ADAMTSL1: variants seen among roughly 807,000 people sequenced by gnomAD.
The protein encoded by ADAMTSL1 is ADAMTS like 1.
In ADAMTSL1, 126 loss-of-function variants were observed where a neutral mutation model predicts 201.8. The observed-to-expected ratio is 0.62, with a 90% confidence interval of 0.54 to 0.72. The LOEUF (loss-of-function observed/expected upper bound fraction) is 0.72, where lower values mean the gene tolerates loss of function less well. Ranked by LOEUF, ADAMTSL1 falls within the 30% of genes least tolerant of loss-of-function variation. The pLI is 0.00. For synonymous variants in ADAMTSL1, 1,121 were observed against 903.4 expected (o/e 1.24, Z -4.32); for missense variants, 2,679 against 2,277.8 (o/e 1.18, Z -3.59).
At chr9:18,445,654 A>G (rs528950319) in intron 2 of ADAMTSL1, among the ~76,000 whole-genome samples, 14 of 152,304 alleles carry the variant, frequency 9.2e-5, no homozygotes, top group Non-Finnish European at 1.6e-4. Flanking sequence ...AGACTCATAT[A>G]CAAAATGCTG....
At chr9:18,843,554 T>C (rs1825874265) in intron 23 of ADAMTSL1, among the ~76,000 whole-genome samples, 1 of 150,572 alleles carries the variant, frequency 6.6e-6, no homozygotes, top group African/African-American at 2.5e-5. Context: ...TGGTGTTCTC[T>C]GTATTTCCTG....
chr9:18,648,598 C>G (rs888330726), intron 7 of ADAMTSL1, among the ~76,000 whole-genome samples: 1 of 151,424 alleles, frequency 6.6e-6, no homozygotes, highest in African/African-American at 2.4e-5. Flanking sequence ...GACAAAATCT[C>G]TCAGCATTTG....
chr9:18,283,265 C>G (rs1254041350), intron 2 of ADAMTSL1, among the ~76,000 whole-genome samples: 1 of 152,092 alleles, frequency 6.6e-6, no homozygotes, highest in Non-Finnish European at 1.5e-5. Flanking sequence ...TCTCTCCAGT[C>G]TTATGCTCAT....
At chr9:18,071,720 C>G (rs1003568105) in intron 1 of ADAMTSL1, among the ~76,000 whole-genome samples, 2 of 152,104 alleles carry the variant, frequency 1.3e-5, no homozygotes, top group Admixed American at 6.6e-5. Context: ...GACGTTTCCT[C>G]GAAAGTAGGA....
chr9:18,812,728 G>C (rs754769444), intron 20 of ADAMTSL1, among the ~76,000 whole-genome samples: 8 of 152,044 alleles, frequency 5.3e-5, no homozygotes, highest in Admixed American at 4.6e-4. Context: ...GTAAGAACTA[G>C]GGGTCTAGCT....
chr9:18,339,298 T>A (rs543775458), intron 2 of ADAMTSL1, among the ~76,000 whole-genome samples: 2 of 152,090 alleles, frequency 1.3e-5, no homozygotes, highest in Non-Finnish European at 2.9e-5. Context: ...GCAAAGGACA[T>A]GAACAGACAC....
In ADAMTSL1 at chr9:18,652,931, T is replaced by C. The variant is rs566740215; in HGVS notation, c.835-4708T>C. Among the ~76,000 whole-genome samples the C allele has an allele frequency of 9.8e-5, 15 of 152,324 alleles. 1 individual carries two copies. The South Asian group carries it at 1.2e-3, about 13-fold the overall frequency. Reference sequence around the variant, plus strand: ...CCCATGCTTATAAAAGGGAAAACCATTGTCCTAAGCCATGTGTTCTTGAGA... The same window carrying C: ...CCCATGCTTATAAAAGGGAAAACCACTGTCCTAAGCCATGTGTTCTTGAGA... On this transcript the variant is annotated intron_variant, in intron 7 of 28. Transcript: ENST00000380548.
intron 10 of ADAMTSL1, among the ~76,000 whole-genome samples, chr9:18,677,291 T>C (rs911009579): frequency 6.6e-6 from 1 of 152,050 alleles, no homozygotes; most frequent in African/African-American, 2.4e-5. Flanking sequence ...AGACAATAAA[T>C]AGCTTTAGAA....
At chr9:18,294,443 G>C (rs1833392901) in intron 2 of ADAMTSL1, among the ~76,000 whole-genome samples, 1 of 152,240 alleles carries the variant, frequency 6.6e-6, no homozygotes, top group Non-Finnish European at 1.5e-5. Flanking sequence ...CCCAGGTTCT[G>C]TGGCTGGGCT....
chr9:18,329,485 C>G (rs1834948543), intron 2 of ADAMTSL1, among the ~76,000 whole-genome samples: 1 of 152,096 alleles, frequency 6.6e-6, no homozygotes, highest in Non-Finnish European at 1.5e-5. Flanking sequence ...AAAACGTGTC[C>G]ACTACAAGAA....
At chr9:18,587,672 T>C (rs1328344432) in intron 4 of ADAMTSL1, among the ~76,000 whole-genome samples, 2 of 152,178 alleles carry the variant, frequency 1.3e-5, no homozygotes, top group African/African-American at 2.4e-5. Flanking sequence ...GTAAATACCA[T>C]ACTGCTTTCT....
intron 2 of ADAMTSL1, among the ~76,000 whole-genome samples, chr9:18,309,159 A>G (rs866176368): frequency 6.6e-6 from 1 of 152,204 alleles, no homozygotes; most frequent in Non-Finnish European, 1.5e-5. Flanking sequence ...AAAACTGTCA[A>G]TAAACTAGGT....
At chr9:18,576,443 T>C (rs752846420) in intron 4 of ADAMTSL1, among the ~76,000 whole-genome samples, 1 of 152,222 alleles carries the variant, frequency 6.6e-6, no homozygotes, top group Non-Finnish European at 1.5e-5. Flanking sequence ...AGCATAGCTA[T>C]AGAAATTTGT....
At chr9:18,148,756 T>C (rs1253339318) in intron 1 of ADAMTSL1, among the ~76,000 whole-genome samples, 1 of 152,034 alleles carries the variant, frequency 6.6e-6, no homozygotes, top group Non-Finnish European at 1.5e-5. Context: ...CATTTGGTAA[T>C]ATACTCAGGG....
chr9:18,893,195 C>T (rs1829401087), intron 26 of ADAMTSL1, among the ~76,000 whole-genome samples: 1 of 152,018 alleles, frequency 6.6e-6, no homozygotes, highest in African/African-American at 2.4e-5. Context: ...TTTCTCCTAC[C>T]TGGAAAAGCC....
intron 2 of ADAMTSL1, among the ~76,000 whole-genome samples, chr9:18,307,945 G>A (rs1340704590): frequency 1.3e-5 from 2 of 152,128 alleles, no homozygotes; most frequent in Non-Finnish European, 2.9e-5. Flanking sequence ...ATAATTGGAA[G>A]TAAAACAGTC....
At position 18,337,634 on chromosome 9, in the gene ADAMTSL1, G is replaced by A. The variant is rs139140109; in HGVS notation, c.208-167195G>A. On this transcript the variant is annotated intron_variant, in intron 2 of 29. Transcript: ENST00000680146. ...ATCGGGAGTTAGACCAAGGAGACAA[G>A]TTCTAGAGTCTGCTTTACTGTTAAC... Among the ~76,000 whole-genome samples, 25 of 152,242 alleles carry A rather than the reference G, an allele frequency of 1.6e-4. No individual in the cohort carries two copies. In the East Asian group the frequency reaches 4.6e-3, roughly 28 times the overall value.
At chr9:18,657,552 A>C (rs1381557078) in intron 7 of ADAMTSL1, 87 bp from the exon 8 acceptor site, 32 of 931,152 alleles carry the variant, frequency 3.4e-5, no homozygotes, top group Non-Finnish European at 4.7e-5. Flanking sequence ...AACCATCAGC[A>C]CTACCATATA....
intron 1 of ADAMTSL1, among the ~76,000 whole-genome samples, chr9:18,051,050 C>G (rs1025707702): frequency 6.6e-6 from 1 of 152,102 alleles, no homozygotes; most frequent in Non-Finnish European, 1.5e-5. Flanking sequence ...GCCTGTAATC[C>G]CAGCACTTTG....
Sources: allele counts gnomAD v4.1 joint callset (sites outside exome capture counted in the v4.1 genomes callset), GRCh38; gene constraint gnomAD v4.1.1; transcripts MANE v1.5; gene names NCBI Gene and HGNC (gene_info 2026-07-23, HGNC 2026-07-21).